Variants in ZNF8 observed in about 807,000 individuals in gnomAD.
ZNF8 encodes the protein zinc finger protein 272.
Under a neutral mutation model 12.2 loss-of-function variants are expected in ZNF8, and 9 were observed. That is an observed-to-expected ratio of 0.73 (90% confidence interval 0.44 to 1.28). The LOEUF (loss-of-function observed/expected upper bound fraction) is 1.28, where lower values mean the gene tolerates loss of function less well. Ranked by LOEUF, ZNF8 falls within the 50% of genes most tolerant of loss-of-function variation. ZNF8 has a pLI of 0.00. For synonymous variants in ZNF8, 274 were observed against 282.3 expected (o/e 0.97, Z 0.30); for missense variants, 664 against 729.1 (o/e 0.91, Z 1.03).
intron 1 of ZNF8, among the ~76,000 whole-genome samples, chr19:58,284,742 C>T (rs748267174): frequency 1.2e-4 from 18 of 151,782 alleles, no homozygotes; most frequent in Non-Finnish European, 2.4e-4. Flanking sequence ...CCAGCTACTA[C>T]GGAGGCTGGG....
rs1600465566 is a variant in ZNF8, at chr19:58,300,576, G to T, written c.*5040G>T. On this transcript the variant is annotated 3_prime_UTR_variant, in exon 4 of 4. Coordinates refer to ENST00000621650, the MANE Select transcript of ZNF8 (RefSeq NM_021089.3). ...TTTCTAACCTCTGTGGTGGAGACAG[G>T]TGGGAGAGAAAAGTCCTGGGAAGTG... The T allele has an allele frequency of 6.6e-6, 1 of 152,250 alleles. No individual in the cohort carries two copies. The highest frequency in any genetic ancestry group is 1.9e-4 in the East Asian group (1 of 5,198). 9.4% of individuals were successfully genotyped at this position (152,250 alleles called of 1,614,324 possible). A position where few individuals can be genotyped will look rare whatever the true frequency, so the allele number is the denominator to read the frequency against.
rs891627127 is a variant in ZNF8, at chr19:58,297,394, G to A, written c.*1858G>A. ...TTACGGTTTTGCAGCATTCATAATT[G>A]ATGTGAAATAAGGAAGATAATCCTT... On this transcript the variant is annotated 3_prime_UTR_variant, in exon 4 of 4. Transcript: ENST00000621650. The A allele has an allele frequency of 2.0e-5, 3 of 150,266 alleles. No homozygotes were observed. The highest frequency in any genetic ancestry group is 4.4e-5 in the Non-Finnish European group (3 of 67,628). 9.3% of individuals were successfully genotyped at this position (150,266 alleles called of 1,614,324 possible).
chr19:58,289,128 A>G (rs1318581366), intron 3 of ZNF8, among the ~76,000 whole-genome samples: 1 of 150,574 alleles, frequency 6.6e-6, no homozygotes, highest in Non-Finnish European at 1.5e-5. Context: ...ACAGAAACAT[A>G]TTTTCCATGT....
At chr19:58,279,413 G>A (rs1212193590) in intron 1 of ZNF8, 1 of 1,445,056 alleles carries the variant, frequency 6.9e-7, no homozygotes. Flanking sequence ...ATTCCCGAGA[G>A]AATCGAGCAG....
In ZNF8 at chr19:58,289,802, C is replaced by CTTT. The variant is rs879532036; in HGVS notation, c.289+3608_289+3610dup. ...CAGGATAATCTCCCATTTCAAGATTCTTTTTTTTTTTTTGAGACAGAGTCT... is the reference window on the plus strand; with the variant it reads ...CAGGATAATCTCCCATTTCAAGATTCTTTTTTTTTTTTTTTTGAGACAGAGTCT... On this transcript the variant is annotated intron_variant, in intron 3 of 3. Coordinates refer to ENST00000621650, the MANE Select transcript of ZNF8 (RefSeq NM_021089.3). Among the ~76,000 whole-genome samples, 636 of 144,866 alleles carry CTTT rather than the reference C, an allele frequency of 4.4e-3. 7 individuals carry two copies. Among genetic ancestry groups the CTTT allele is most frequent in the African/African-American group, 0.015 (589 of 39,542 alleles).
chr19:58,290,108 CTTTTTTT>C (rs773199651), intron 3 of ZNF8, among the ~76,000 whole-genome samples: 7 of 73,424 alleles, frequency 9.5e-5, no homozygotes, highest in Non-Finnish European at 1.2e-4. Context: ...TTTCAAGATT[CTTTTTTT>C]TTTTTTTTTT....
chr19:58,292,978 C>T (rs144216718), intron 3 of ZNF8, among the ~76,000 whole-genome samples: 138 of 150,356 alleles, frequency 9.2e-4, no homozygotes, highest in Middle Eastern at 3.4e-3. Context: ...GACAGAGTCT[C>T]TGCTTGGTCG....
In ZNF8 at chr19:58,287,487, C is replaced by T. The variant is rs191446002; in HGVS notation, c.289+1282C>T. Among the ~76,000 whole-genome samples the T allele has an allele frequency of 6.1e-3, 921 of 151,662 alleles. 4 individuals carry two copies. Among genetic ancestry groups the T allele is most frequent in the Admixed American group, 0.01 (155 of 15,212 alleles). On this transcript the variant is annotated intron_variant, in intron 3 of 3. Transcript: ENST00000621650. ...AGCTGGGACTACAGGTGTGTACCCC[C>T]ACACCTGGCTAATTTTCTTTTTAAA...
chr19:58,287,043 T>A (rs113760993), intron 3 of ZNF8, among the ~76,000 whole-genome samples: 2,154 of 152,232 alleles, frequency 0.014, 57 homozygotes, highest in African/African-American at 0.05. Flanking sequence ...ATTCTTTGTG[T>A]TTTGTTTTGT....
At chr19:58,285,522 C>T (rs760189186) in intron 1 of ZNF8, among the ~76,000 whole-genome samples, 195 bp from the exon 2 acceptor site, 4 of 152,148 alleles carry the variant, frequency 2.6e-5, no homozygotes, top group Non-Finnish European at 5.9e-5. Flanking sequence ...TGAGTCCTCT[C>T]ACATGTCCTC....
At position 58,294,027 on chromosome 19, in the gene ZNF8, T is replaced by C. The variant is rs1490686229; in HGVS notation, c.290-71T>C. ...GGACCCCATTTCAATATCAGGCCTATGGTGTTGGAGGCCTGTCCCCCTTCC... is the reference window on the plus strand; with the variant it reads ...GGACCCCATTTCAATATCAGGCCTACGGTGTTGGAGGCCTGTCCCCCTTCC... On this transcript the variant is annotated intron_variant, in intron 3 of 3. Transcript: ENST00000621650. This position sits in a 1 kb window ranked among gnomAD's most constrained non-coding sequence, Gnocchi z 5.5. The C allele has an allele frequency of 1.3e-5, 18 of 1,371,536 alleles. No individual in the cohort carries two copies. Among genetic ancestry groups the C allele is most frequent in the South Asian group, 6.9e-5 (5 of 72,098 alleles). 85.0% of individuals were successfully genotyped at this position (1,371,536 alleles called of 1,614,324 possible).
At chr19:58,293,530 G>A (rs575803353) in intron 3 of ZNF8, among the ~76,000 whole-genome samples, 3 of 152,220 alleles carry the variant, frequency 2.0e-5, no homozygotes, top group African/African-American at 7.2e-5. Flanking sequence ...TGGGGAAAGC[G>A]GGAAGCCTGG....
Position 58,295,519 on chromosome 19 carries a change from A to G in ZNF8, c.1711A>G (p.Ile571Val). 2 of 1,600,894 alleles carry G rather than the reference A, an allele frequency of 1.2e-6. No individual in the cohort carries two copies. Among genetic ancestry groups the G allele is most frequent in the South Asian group, 1.1e-5 (1 of 89,758 alleles). Reference sequence around the variant, plus strand: ...TGTGGGTGCTTCCATGTTATTTGACATCAGAGAATCCACATAGGAGAGAAA... The same window carrying G: ...TGTGGGTGCTTCCATGTTATTTGACGTCAGAGAATCCACATAGGAGAGAAA... ...PSVGASMLFD[I>V]REST Residue 571 changes from isoleucine to valine, a missense_variant, in exon 4 of 4, where the codon ATC becomes GTC. Physicochemically the swap from Ile to Val is conservative, Grantham distance 29 (BLOSUM62 3). Transcript: ENST00000621650.
chr19:58,281,460 T>C (rs908311347), intron 1 of ZNF8, among the ~76,000 whole-genome samples: 1 of 152,080 alleles, frequency 6.6e-6, no homozygotes, highest in African/African-American at 2.4e-5. Flanking sequence ...TCTGCTAGAA[T>C]TCCAAGAAGG....
At chr19:58,291,922 G>A (rs558837954) in intron 3 of ZNF8, among the ~76,000 whole-genome samples, 1 of 152,214 alleles carries the variant, frequency 6.6e-6, no homozygotes, top group South Asian at 2.1e-4. Flanking sequence ...GCCATGTGGA[G>A]CAGAGTGGGC....
intron 3 of ZNF8, among the ~76,000 whole-genome samples, chr19:58,291,030 A>C (rs1345765308): frequency 6.6e-6 from 1 of 152,178 alleles, no homozygotes; most frequent in African/African-American, 2.4e-5. Flanking sequence ...CCTTATTTCA[A>C]ATATAAAATA....
chr19:58,286,009 G>T lies in ZNF8; in HGVS notation c.194-101G>T, dbSNP rs907825172. ...ATGCAGAGCTTCACCATGTTGTGAG[G>T]TGCCCACGTGTCCTCACAGTCGGGA... On this transcript the variant is annotated intron_variant, in intron 2 of 3. Coordinates refer to ENST00000621650, the MANE Select transcript of ZNF8 (RefSeq NM_021089.3). 5.7e-6 allele frequency: 8 copies of T among 1,415,768 alleles called. No homozygotes were observed. In the African/African-American group the frequency reaches 9.9e-5, roughly 17 times the overall value. The allele number at this position is 1,415,768 out of a possible 1,614,324, so 87.7% of individuals were successfully genotyped here. A position where few individuals can be genotyped will look rare whatever the true frequency, so the allele number is the denominator to read the frequency against.
intron 3 of ZNF8, among the ~76,000 whole-genome samples, chr19:58,291,472 A>G (rs914531705): frequency 1.3e-5 from 2 of 152,100 alleles, no homozygotes; most frequent in African/African-American, 2.4e-5. Context: ...AGGCAGCGTT[A>G]GTCTTGGCTG....
intron 1 of ZNF8, chr19:58,279,559 C>T (rs1013191274): frequency 1.3e-6 from 2 of 1,528,082 alleles, no homozygotes; most frequent in East Asian, 2.4e-5. Context: ...AATAGAGATG[C>T]TTTAACGCGT....
Sources: gnomAD v4.1 joint callset for allele counts (sites outside exome capture counted in the v4.1 genomes callset) on GRCh38, gnomAD v4.1.1 for gene constraint, Gnocchi (gnomAD v3.1) non-coding constraint, MANE v1.5 for transcripts, NCBI Gene and HGNC (gene_info 2026-07-23, HGNC 2026-07-21) for gene names.